The following PLCB2 variants were observed in gnomAD, a reference collection of about 807,000 sequenced individuals.
PLCB2 encodes 1-phosphatidylinositol 4,5-bisphosphate phosphodiesterase beta-2.
Under a neutral mutation model 141.7 loss-of-function variants are expected in PLCB2, and 115 were observed. That is an observed-to-expected ratio of 0.81 (90% CI 0.70 to 0.95). The LOEUF (loss-of-function observed/expected upper bound fraction) is 0.95. PLCB2 is among the 40% of genes least tolerant of loss of function. The pLI, the probability that PLCB2 is intolerant of heterozygous loss-of-function variation, is 0.00. For synonymous variants in PLCB2, 603 were observed against 595.6 expected, an observed-to-expected ratio of 1.01 and a Z score of -0.18; for missense variants, 1,403 against 1,541.1, an observed-to-expected ratio of 0.91 and a Z score of 1.50.
intron 15 of PLCB2, 42 bp downstream of exon 15, chr15:40,296,480 G>A (rs2141101290): frequency 6.2e-7 from 1 of 1,613,742 alleles, no homozygotes; most frequent in Non-Finnish European, 8.5e-7. Flanking sequence ...GGGCTTAACG[G>A]TGGAGGATGA....
intron 29 of PLCB2, 75 bp from the exon 30 acceptor site, chr15:40,290,157 G>T: frequency 1.1e-6 from 1 of 940,224 alleles, no homozygotes; most frequent in South Asian, 1.3e-5. Flanking sequence ...GTCTACGCAG[G>T]ATGTAGGCAA....
In PLCB2 at chr15:40,294,425, A is replaced by C. The variant is rs372130791; in HGVS notation, c.1907-5T>G. 2.4e-4 allele frequency: 392 copies of C among 1,613,834 alleles called. No homozygotes were observed. The highest frequency in any genetic ancestry group is 3.2e-4 in the Non-Finnish European group (374 of 1,179,992). On this transcript the variant is annotated splice_region_variant and splice_polypyrimidine_tract_variant and intron_variant, in intron 18 of 31. Coordinates refer to ENST00000260402, the MANE Select transcript of PLCB2 (RefSeq NM_004573.3). ...TGTTCTGCTGCATGGGCAAGTCTGGAGGGACAAGGACACTCAGTGAGGAAG... is the reference window on the plus strand; with the variant it reads ...TGTTCTGCTGCATGGGCAAGTCTGGCGGGACAAGGACACTCAGTGAGGAAG...
chr15:40,289,968 A>AGAGAGT lies in PLCB2; in HGVS notation c.3267+56_3267+57insACTCTC, dbSNP rs1264563556. 132 of 525,110 alleles carry AGAGAGT rather than the reference A, an allele frequency of 2.5e-4. No individual in the cohort carries two copies. The African/African-American group carries it at 3.1e-3, about 12-fold the overall frequency. The allele number at this position is 525,110 out of a possible 1,614,324, so 32.5% of individuals were successfully genotyped here. On this transcript the variant is annotated intron_variant, in intron 30 of 31. Transcript: ENST00000260402. The stretch of plus-strand genomic sequence containing the variant: ...GAGAGAGAGAGAGAGAGAGAGAGAG[A>AGAGAGT]GTGTGTGTGTGTGTGTGTGTGTGTG...
chr15:40,302,673 T>G, intron 3 of PLCB2, 64 bp from the exon 4 acceptor site: 1 of 1,578,732 alleles, frequency 6.3e-7, no homozygotes. Flanking sequence ...TGTGGCTCTC[T>G]CTGGCCCTCC....
Position 40,297,663 on chromosome 15 carries a change from A to C in PLCB2, c.1239-58T>G. 7.0e-7 allele frequency: 1 copy of C among 1,421,632 alleles called. No individual in the cohort carries two copies. The highest frequency in any genetic ancestry group is 9.9e-7 in the Non-Finnish European group (1 of 1,009,678). 88.1% of individuals were successfully genotyped at this position (1,421,632 alleles called of 1,614,324 possible). A position where few individuals can be genotyped will look rare whatever the true frequency, so the allele number is the denominator to read the frequency against. On this transcript the variant is annotated intron_variant, in intron 12 of 31. Transcript: ENST00000260402. This position sits in a 1 kb window ranked among gnomAD's most constrained non-coding sequence, Gnocchi z 4.2. ...CCGCTCAGCACCAACCCTATTATGCATCCTTTTGTGCCCTTGATGACCCAG... is the reference window on the plus strand; with the variant it reads ...CCGCTCAGCACCAACCCTATTATGCCTCCTTTTGTGCCCTTGATGACCCAG...
At position 40,298,392 on chromosome 15, in the gene PLCB2, G is replaced by A; in HGVS notation, c.998-12C>T. On this transcript the variant is annotated splice_polypyrimidine_tract_variant and intron_variant, in intron 10 of 31. Transcript: ENST00000260402. ...TGAGAACTGGCCGGCTGAGCCAGAGGATGGGGAAGAGGTGAGGGCATCACC... is the reference window on the plus strand; with the variant it reads ...TGAGAACTGGCCGGCTGAGCCAGAGAATGGGGAAGAGGTGAGGGCATCACC... The A allele has an allele frequency of 6.3e-7, 1 of 1,577,540 alleles. No individual in the cohort carries two copies. The highest frequency in any genetic ancestry group is 8.6e-7 in the Non-Finnish European group (1 of 1,157,846).
Position 40,298,780 on chromosome 15 carries a change from G to A in PLCB2, c.850+18C>T, listed in dbSNP as rs369412636. On this transcript the variant is annotated intron_variant, in intron 9 of 31. Coordinates refer to ENST00000260402, the MANE Select transcript of PLCB2 (RefSeq NM_004573.3). ...CAGGACAGGACCACAGGGGACAAGG[G>A]GTTCCCTTAGTCCTCACCCCTCTGT... 11 of 1,610,754 alleles carry A rather than the reference G, an allele frequency of 6.8e-6. No individual in the cohort carries two copies. The highest frequency in any genetic ancestry group is 1.6e-4 in the Middle Eastern group (1 of 6,068).
At chr15:40,286,579 T>G (rs1424489153), downstream of PLCB2, among the ~76,000 whole-genome samples, 1 of 152,130 alleles carries the variant, frequency 6.6e-6, no homozygotes, top group East Asian at 1.9e-4. Flanking sequence ...AAGGTGAAAC[T>G]GAGGCATGAT....
At chr15:40,293,751 G>A (rs2141073401) in intron 19 of PLCB2, 27 bp from the exon 20 acceptor site, 2 of 1,597,836 alleles carry the variant, frequency 1.3e-6, no homozygotes, top group Admixed American at 3.3e-5. Context: ...AGGAAAACCA[G>A]CATCAAATCC....
At position 40,307,919 on chromosome 15, in the gene PLCB2, C is replaced by T; in HGVS notation, c.-247G>A. 2.8e-6 allele frequency: 1 copy of T among 361,830 alleles called. No individual in the cohort carries two copies. Among genetic ancestry groups the T allele is most frequent in the Non-Finnish European group, 5.0e-6 (1 of 201,898 alleles). 22.4% of individuals were successfully genotyped at this position (361,830 alleles called of 1,614,324 possible). On this transcript the variant is annotated 5_prime_UTR_variant, in exon 1 of 32. Coordinates refer to ENST00000260402, the MANE Select transcript of PLCB2 (RefSeq NM_004573.3). ...CACCCGCCCTGCCTGCCATGGGGGC[C>T]TGTGGTCACTGCTTCTGCCCAAGGA... is the stretch of plus-strand genomic sequence containing the variant.
chr15:40,307,353 C>T (rs2141208822), intron 1 of PLCB2, among the ~76,000 whole-genome samples: 1 of 152,224 alleles, frequency 6.6e-6, no homozygotes, highest in South Asian at 2.1e-4. Context: ...CAGTGACCAC[C>T]CAGGCAGCTC....
intron 18 of PLCB2, 98 bp downstream of exon 18, chr15:40,294,838 C>A: frequency 6.8e-7 from 1 of 1,478,486 alleles, no homozygotes; most frequent in Non-Finnish European, 9.3e-7. Context: ...ACACTAACAG[C>A]AGGACTCCCC....
intron 1 of PLCB2, among the ~76,000 whole-genome samples, chr15:40,305,155 T>TTG (rs1230043558): frequency 6.6e-6 from 1 of 150,710 alleles, no homozygotes; most frequent in African/African-American, 2.4e-5. Flanking sequence ...TCAACTCTAC[T>TTG]TAGAGAGCTT....
At chr15:40,289,014 T>C (rs1268277427) in intron 31 of PLCB2, 96 bp from the exon 32 acceptor site, 19 of 1,511,734 alleles carry the variant, frequency 1.3e-5, no homozygotes, top group Non-Finnish European at 1.7e-5. Flanking sequence ...CCAATATCCA[T>C]GTTCGGAGCT....
Position 40,293,020 on chromosome 15 carries a change from C to T in PLCB2, c.2232G>A (p.Leu744=). The stretch of plus-strand genomic sequence containing the variant: ...CTCTGAGGGAGGCCAGCTCAGGCAT[C>T]AAGATCTGGGGAGAGTTGGGGACAT... ...KEEPFVFEKI[L]MPELASLRVA... The change falls in exon 21 of 32, where the codon TTG becomes TTA. Residue 744 remains leucine (L), a synonymous_variant. Transcript: ENST00000260402. The T allele has an allele frequency of 6.3e-7, 1 of 1,595,708 alleles. No individual in the cohort carries two copies. Among genetic ancestry groups the T allele is most frequent in the Non-Finnish European group, 8.5e-7 (1 of 1,169,854 alleles).
chr15:40,292,133 G>C lies in PLCB2; in HGVS notation c.2457C>G (p.Pro819=). 6.2e-7 allele frequency: 1 copy of C among 1,614,198 alleles called. No homozygotes were observed. Among genetic ancestry groups the C allele is most frequent in the Non-Finnish European group, 8.5e-7 (1 of 1,180,012 alleles). ...WADLTVALAN[P]IKFFSAHDTK... is the part of the protein sequence containing the mutation. The stretch of plus-strand genomic sequence containing the variant: ...TGTCATGGGCACTGAAGAACTTAAT[G>C]GGGTTGGCGAGGGCCACAGTGAGAT... Residue 819 remains proline, a synonymous_variant, in exon 23 of 32, where the codon CCC becomes CCG. Coordinates refer to ENST00000260402, the MANE Select transcript of PLCB2 (RefSeq NM_004573.3).
chr15:40,296,976 C>G, intron 13 of PLCB2, 68 bp from the exon 14 acceptor site: 1 of 1,530,448 alleles, frequency 6.5e-7, no homozygotes, highest in Non-Finnish European at 9.0e-7. Context: ...TCCTTATTAC[C>G]AGGCATGCTC....
rs1322322465 is a variant in PLCB2 at position 40,291,255 on chromosome 15, C to T, written c.2870+10G>A. ...CGCTGCAGAGGGCAGGGCACCGCCA[C>T]GAGCCTTACCTCTTCTTGCGAGAGC... is the stretch of plus-strand genomic sequence containing the variant. On this transcript the variant is annotated intron_variant, in intron 26 of 31. Coordinates refer to ENST00000260402, the MANE Select transcript of PLCB2 (RefSeq NM_004573.3). 1.7e-5 allele frequency: 26 copies of T among 1,573,514 alleles called. No individual in the cohort carries two copies. Among genetic ancestry groups the T allele is most frequent in the Middle Eastern group, 1.8e-4 (1 of 5,708 alleles).
intron 24 of PLCB2, 77 bp from the exon 25 acceptor site, chr15:40,291,727 C>T: frequency 6.2e-7 from 1 of 1,603,348 alleles, no homozygotes; most frequent in South Asian, 1.1e-5. Context: ...ACACCGCCCC[C>T]TGGGAGTCGC....
Sources: gnomAD v4.1 joint callset for allele counts (sites outside exome capture counted in the v4.1 genomes callset) on GRCh38, gnomAD v4.1.1 for gene constraint, Gnocchi (gnomAD v3.1) non-coding constraint, MANE v1.5 for transcripts, NCBI Gene and HGNC (gene_info 2026-07-23, HGNC 2026-07-21) for gene names.